The following GSK3B variants were observed in gnomAD, a reference collection of about 807,000 sequenced individuals.
GSK3B encodes the protein glycogen synthase kinase 3 beta.
Under a neutral mutation model 56.4 loss-of-function variants are expected in GSK3B, and 15 were observed. The ratio of observed to expected loss-of-function variants is 0.27; its 90% CI spans 0.18 to 0.41. The LOEUF (loss-of-function observed/expected upper bound fraction) is 0.41. GSK3B is among the 10% of genes least tolerant of loss of function. The pLI, the probability that GSK3B is intolerant of heterozygous loss-of-function variation, is 1.00. For synonymous variants in GSK3B, 181 were observed against 188.9 expected, an observed-to-expected ratio of 0.96 and a Z score of 0.34; for missense variants, 300 against 513.4, an observed-to-expected ratio of 0.58 and a Z score of 4.02.
chr3:119,915,808 T>C (rs1378299651), intron 5 of GSK3B, among the ~76,000 whole-genome samples: 1 of 152,170 alleles, frequency 6.6e-6, no homozygotes, highest in Non-Finnish European at 1.5e-5. Flanking sequence ...CACTGTATTG[T>C]AAATATGTAT....
chr3:120,030,939 T>C (rs2057970412), intron 1 of GSK3B, among the ~76,000 whole-genome samples: 1 of 152,202 alleles, frequency 6.6e-6, no homozygotes, highest in African/African-American at 2.4e-5. Context: ...CTGCCCAATC[T>C]AAATCCAGTA....
At chr3:119,865,117 G>T (rs1398681279) in intron 8 of GSK3B, among the ~76,000 whole-genome samples, 1 of 151,954 alleles carries the variant, frequency 6.6e-6, no homozygotes, top group Non-Finnish European at 1.5e-5. Flanking sequence ...AATGTAAAAA[G>T]AAAATAATCA....
chr3:119,988,431 A>C (rs1257073926), intron 2 of GSK3B, among the ~76,000 whole-genome samples: 2 of 152,250 alleles, frequency 1.3e-5, no homozygotes, highest in Non-Finnish European at 2.9e-5. Flanking sequence ...CAGTACTTGC[A>C]TAAGTGCACT....
At chr3:120,029,151 T>C in intron 1 of GSK3B, 2 of 695,758 alleles carry the variant, frequency 2.9e-6, no homozygotes, top group African/African-American at 1.8e-5. Flanking sequence ...AAGCTGACGG[T>C]TGGGATAGCA....
intron 6 of GSK3B, 108 bp downstream of exon 6, chr3:119,912,596 G>A (rs2056745914): frequency 6.2e-6 from 3 of 485,452 alleles, no homozygotes; most frequent in Non-Finnish European, 7.5e-6. Flanking sequence ...AACATTATGG[G>A]ATATATCCAT....
chr3:119,940,353 A>T (rs987240781), intron 3 of GSK3B, among the ~76,000 whole-genome samples: 1 of 152,094 alleles, frequency 6.6e-6, no homozygotes, highest in African/African-American at 2.4e-5. Flanking sequence ...CTTCAAAATT[A>T]AGAAGGAACT....
chr3:120,065,669 G>C lies in GSK3B; in HGVS notation c.88+27678C>G, dbSNP rs73175900. ...AAAAACTTGTACACAAATGTTCACA[G>C]CAACACTATTCACAATAGCCAAAAG... On this transcript the variant is annotated intron_variant, in intron 1 of 10. Coordinates refer to ENST00000264235, the MANE Select transcript of GSK3B (RefSeq NM_001146156.2). Among the ~76,000 whole-genome samples the C allele has an allele frequency of 7.0e-3, 1,072 of 152,182 alleles. 6 individuals are homozygous for C. The highest frequency in any genetic ancestry group is 0.012 in the Non-Finnish European group (818 of 67,978).
chr3:119,920,529 C>T (rs1157573550), intron 4 of GSK3B, among the ~76,000 whole-genome samples: 1 of 152,146 alleles, frequency 6.6e-6, no homozygotes, highest in Non-Finnish European at 1.5e-5. Context: ...AGGCATGAGC[C>T]AATGTGCCTG....
intron 2 of GSK3B, among the ~76,000 whole-genome samples, chr3:119,950,630 GGA>G (rs1365943285): frequency 6.6e-5 from 10 of 152,142 alleles, no homozygotes; most frequent in African/African-American, 2.2e-4. Flanking sequence ...GAAAGTTTGA[GGA>G]GAGATTTCCA....
intron 1 of GSK3B, among the ~76,000 whole-genome samples, chr3:120,005,441 T>C (rs1372365051): frequency 6.6e-6 from 1 of 151,776 alleles, no homozygotes; most frequent in Non-Finnish European, 1.5e-5. Flanking sequence ...ACAAAGATAC[T>C]CCTCAAGAAG....
intron 8 of GSK3B, among the ~76,000 whole-genome samples, chr3:119,870,038 C>A (rs1023190889): frequency 6.6e-6 from 1 of 152,194 alleles, no homozygotes; most frequent in African/African-American, 2.4e-5. Flanking sequence ...TTTCATTCAG[C>A]TCTCTCCACC....
rs1415286897 is a variant in GSK3B, at chr3:119,954,310, A to AATAG, written c.283-6960_283-6959insCTAT. Among the ~76,000 whole-genome samples the AATAG allele has an allele frequency of 2.2e-3, 324 of 149,006 alleles. 2 individuals are homozygous for AATAG. The highest frequency in any genetic ancestry group is 6.9e-3 in the Middle Eastern group (2 of 290). ...AATAGAATAGAATAGAATAGAAAAG[A>AATAG]AACAGAACAGAACAGAACAGCATAG... On this transcript the variant is annotated intron_variant, in intron 2 of 10. Coordinates refer to ENST00000264235, the MANE Select transcript of GSK3B (RefSeq NM_001146156.2).
At chr3:119,947,700 A>G (rs2057113616) in intron 2 of GSK3B, among the ~76,000 whole-genome samples, 1 of 152,054 alleles carries the variant, frequency 6.6e-6, no homozygotes. Flanking sequence ...ATATTTCACA[A>G]AAACAACAGT....
At chr3:120,031,060 G>A (rs1390275156) in intron 1 of GSK3B, among the ~76,000 whole-genome samples, 2 of 152,086 alleles carry the variant, frequency 1.3e-5, no homozygotes, top group African/African-American at 4.8e-5. Flanking sequence ...GACCTAACAA[G>A]TCTTACTGTA....
At chr3:119,944,924 T>C (rs1338249648) in intron 3 of GSK3B, among the ~76,000 whole-genome samples, 1 of 152,226 alleles carries the variant, frequency 6.6e-6, no homozygotes, top group Non-Finnish European at 1.5e-5. Flanking sequence ...GGTTCCTTTC[T>C]AAACAGCAGT....
At chr3:119,875,498 GACACACACACACACACACACACAC>G (rs66880409) in intron 8 of GSK3B, among the ~76,000 whole-genome samples, 4 of 144,916 alleles carry the variant, frequency 2.8e-5, no homozygotes, top group East Asian at 2.0e-4. Flanking sequence ...GGTAACCCGT[GACACACACACACACACACACACAC>G]ACACACACAC....
intron 2 of GSK3B, among the ~76,000 whole-genome samples, chr3:119,985,545 C>A (rs1004237447): frequency 1.1e-4 from 17 of 152,110 alleles, no homozygotes; most frequent in African/African-American, 3.9e-4. Context: ...CAATAACAGA[C>A]CAACAGAGAG....
intron 7 of GSK3B, among the ~76,000 whole-genome samples, chr3:119,891,626 G>A (rs919526596): frequency 6.6e-5 from 10 of 152,006 alleles, no homozygotes; most frequent in Non-Finnish European, 1.3e-4. Context: ...CCTCCAAAAC[G>A]TTTAGACTAA....
rs568116780 is a variant in GSK3B, at chr3:120,046,747, T to G, written c.89-44508A>C. On this transcript the variant is annotated intron_variant, in intron 1 of 10. Transcript: ENST00000264235. ...TCTCAGCCACCCATGTAGCTAGGACTACAGGCATGCGCCACCATGCCCAGC... is the reference window on the plus strand; with the variant it reads ...TCTCAGCCACCCATGTAGCTAGGACGACAGGCATGCGCCACCATGCCCAGC... Among the ~76,000 whole-genome samples the G allele has an allele frequency of 4.6e-5, 7 of 152,290 alleles. No homozygotes were observed. In the East Asian group the frequency reaches 1.2e-3, roughly 25 times the overall value.
Sources: gnomAD v4.1 joint callset for allele counts (sites outside exome capture counted in the v4.1 genomes callset) on GRCh38, gnomAD v4.1.1 for gene constraint, MANE v1.5 for transcripts, NCBI Gene and HGNC (gene_info 2026-07-23, HGNC 2026-07-21) for gene names.